Variants in SASH1 observed in about 807,000 individuals in gnomAD.
SASH1 encodes SAM and SH3 domain-containing protein 1.
A neutral mutation model predicts 125.2 loss-of-function variants in SASH1; 44 were observed. The ratio of observed to expected loss-of-function variants is 0.35; its 90% CI spans 0.28 to 0.45. The LOEUF (loss-of-function observed/expected upper bound fraction) is 0.45. SASH1 is among the 20% of genes least tolerant of loss of function. The pLI is 1.00. For missense variants in SASH1, 1,426 were observed against 1,614.5 expected (o/e 0.88, Z 2.00); for synonymous variants, 639 against 649.1 (o/e 0.98, Z 0.24).
chr6:148,435,175 A>G (rs1583155139), intron 2 of SASH1, among the ~76,000 whole-genome samples: 1 of 152,024 alleles, frequency 6.6e-6, no homozygotes, highest in Non-Finnish European at 1.5e-5. Context: ...AGTCTGGCCA[A>G]GAGACCAGCC....
chr6:148,212,249 G>C, the SASH1 span, among the ~76,000 whole-genome samples: 1 of 152,142 alleles, frequency 6.6e-6, no homozygotes, highest in Admixed American at 6.5e-5. Flanking sequence ...GATTAAGCAG[G>C]ACACTGTGCA....
rs200513490 is a variant in SASH1 at position 148,362,371 on chromosome 6, T to C, written c.156+19148T>C. Among the ~76,000 whole-genome samples, 9 of 151,698 alleles carry C rather than the reference T, an allele frequency of 5.9e-5. No individual in the cohort carries two copies. In the East Asian group the frequency reaches 1.6e-3, roughly 26 times the overall value. On this transcript the variant is annotated intron_variant, in intron 1 of 19. Transcript: ENST00000367467. ...CCGAGTAGCTGGGATTACAGGCATG[T>C]GCCACCATGCCTGGCCAAATGTCCA...
chr6:148,393,890 T>C (rs9403953), intron 2 of SASH1: 11,367 of 44,404 alleles, frequency 0.26, 503 homozygotes, highest in Admixed American at 0.38. Flanking sequence ...CTCTCTCTCT[T>C]TTTTTTTTTT....
chr6:148,241,094 G>A, the SASH1 span, among the ~76,000 whole-genome samples: 1 of 151,782 alleles, frequency 6.6e-6, no homozygotes, highest in Admixed American at 6.6e-5. Context: ...CCATCAAGGG[G>A]AAAAAAAATA....
At chr6:148,375,099 TC>T in intron 1 of SASH1, among the ~76,000 whole-genome samples, 1 of 151,840 alleles carries the variant, frequency 6.6e-6, no homozygotes, top group East Asian at 1.9e-4. Context: ...CAGGTCATCC[TC>T]CCTCCTCAGC....
intron 18 of SASH1, among the ~76,000 whole-genome samples, chr6:148,545,172 C>G (rs1318736224): frequency 6.6e-6 from 1 of 152,056 alleles, no homozygotes; most frequent in East Asian, 1.9e-4. Context: ...ATAAAATCCC[C>G]CATTGTACCA....
chr6:148,292,340 C>T (rs575073428), intron 1 of SASH1, among the ~76,000 whole-genome samples: 79 of 152,256 alleles, frequency 5.2e-4, no homozygotes, highest in Admixed American at 1.4e-3. Context: ...CAGAAGGTGA[C>T]ACATTTGCCT....
chr6:148,406,901 G>T (rs1279763215), intron 2 of SASH1, among the ~76,000 whole-genome samples: 1 of 151,192 alleles, frequency 6.6e-6, no homozygotes, highest in Admixed American at 6.6e-5. Flanking sequence ...GCTCTCCAAG[G>T]GAGGAGCAGA....
At chr6:148,268,070 C>A (rs1318035098), upstream of SASH1, among the ~76,000 whole-genome samples, 1 of 152,200 alleles carries the variant, frequency 6.6e-6, no homozygotes, top group African/African-American at 2.4e-5. Context: ...CTGGAATCAT[C>A]ACCAGCCTCT....
At chr6:148,196,053 A>G in the SASH1 span, among the ~76,000 whole-genome samples, 1 of 152,302 alleles carries the variant, frequency 6.6e-6, no homozygotes, top group African/African-American at 2.4e-5. Flanking sequence ...GTGATTTCCT[A>G]CAGAATGTTG....
intron 1 of SASH1, among the ~76,000 whole-genome samples, chr6:148,364,687 G>A (rs1482936710): frequency 6.6e-6 from 1 of 152,096 alleles, no homozygotes; most frequent in African/African-American, 2.4e-5. Flanking sequence ...GTTCTGCCAC[G>A]GGAAATGGGA....
chr6:148,467,221 C>T (rs1456677690), intron 4 of SASH1, among the ~76,000 whole-genome samples: 3 of 151,456 alleles, frequency 2.0e-5, no homozygotes, highest in African/African-American at 2.4e-5. Context: ...CTCAGCCTCC[C>T]GAGTAGCTAG....
chr6:148,200,421 C>T, the SASH1 span, among the ~76,000 whole-genome samples: 4 of 152,148 alleles, frequency 2.6e-5, no homozygotes, highest in African/African-American at 9.7e-5. Context: ...GCTCACAGAG[C>T]GAGCGGGAGG....
intron 1 of SASH1, among the ~76,000 whole-genome samples, chr6:148,294,130 G>A (rs1218987464): frequency 6.6e-6 from 1 of 152,182 alleles, no homozygotes; most frequent in Non-Finnish European, 1.5e-5. Flanking sequence ...AAGTGGCACT[G>A]GTCATTTGCA....
intron 1 of SASH1, among the ~76,000 whole-genome samples, chr6:148,322,311 C>T (rs140390664): frequency 0.015 from 2,327 of 152,182 alleles, 70 homozygotes; most frequent in African/African-American, 0.051. Context: ...GAGACTGCGC[C>T]ACTGCACTCC....
intron 1 of SASH1, among the ~76,000 whole-genome samples, chr6:148,370,718 G>A (rs1378290255): frequency 2.8e-4 from 42 of 152,134 alleles, no homozygotes; most frequent in Admixed American, 6.5e-5. Context: ...AGCTACTCGG[G>A]AGGCTGAGGC....
intron 4 of SASH1, among the ~76,000 whole-genome samples, chr6:148,449,083 T>TCTTTTTC (rs1554258784): frequency 1.3e-4 from 17 of 129,690 alleles, no homozygotes; most frequent in African/African-American, 3.3e-4. Flanking sequence ...CATTTCTTTT[T>TCTTTTTC]TTTTTTTTTT....
chr6:148,489,886 GTA>G lies in SASH1; in HGVS notation c.729+2174_729+2175del, dbSNP rs59620084. Among the ~76,000 whole-genome samples, 228 of 140,238 alleles carry G rather than the reference GTA, an allele frequency of 1.6e-3. 3 individuals are homozygous for G. The highest frequency in any genetic ancestry group is 5.6e-3 in the African/African-American group (214 of 37,978). The allele number at this position is 140,238 out of a possible 152,430, so 92.0% of individuals were successfully genotyped here. ...TGTGTGTGTGTGTGTGTGTGTGTGT[GTA>G]TAGTGTTAGGGTTTTCTATATATAA... is the stretch of plus-strand genomic sequence containing the variant. On this transcript the variant is annotated intron_variant, in intron 8 of 19. Transcript: ENST00000367467.
chr6:148,340,850 C>T (rs1781298516), upstream of SASH1, among the ~76,000 whole-genome samples: 1 of 152,070 alleles, frequency 6.6e-6, no homozygotes, highest in Non-Finnish European at 1.5e-5. Context: ...ACATTATCGT[C>T]AGAGACTGTG....
Sources: allele counts gnomAD v4.1 joint callset (sites outside exome capture counted in the v4.1 genomes callset), GRCh38; gene constraint gnomAD v4.1.1; transcripts MANE v1.5; gene names NCBI Gene and HGNC (gene_info 2026-07-23, HGNC 2026-07-21).